The following SLC25A12 variants were observed in gnomAD, a reference collection of about 807,000 sequenced individuals.
The protein encoded by SLC25A12 is solute carrier family 25 member 12.
Under a neutral mutation model 83.3 loss-of-function variants are expected in SLC25A12, and 32 were observed. That is an observed-to-expected ratio of 0.38 (90% CI 0.29 to 0.52). SLC25A12 has a LOEUF of 0.52. SLC25A12 is among the 20% of genes least tolerant of loss of function. The pLI, the probability that SLC25A12 is intolerant of heterozygous loss-of-function variation, is 0.84. For missense variants in SLC25A12, 611 were observed against 835.6 expected (o/e 0.73, Z 3.31); for synonymous variants, 267 against 291.1 (o/e 0.92, Z 0.84).
At chr2:171,886,087 T>C (rs1186937522) in intron 2 of SLC25A12, among the ~76,000 whole-genome samples, 1 of 152,212 alleles carries the variant, frequency 6.6e-6, no homozygotes, top group Non-Finnish European at 1.5e-5. Context: ...TATATACTTA[T>C]TTGCATCTTT....
chr2:171,837,918 C>T (rs1684591645), intron 5 of SLC25A12, among the ~76,000 whole-genome samples: 1 of 152,192 alleles, frequency 6.6e-6, no homozygotes, highest in South Asian at 2.1e-4. Flanking sequence ...GTAAGACAGT[C>T]CAGAATATCT....
chr2:171,828,751 T>C (rs1486193099), intron 8 of SLC25A12, among the ~76,000 whole-genome samples: 1 of 152,262 alleles, frequency 6.6e-6, no homozygotes, highest in Non-Finnish European at 1.5e-5. Context: ...TTAAAGTTCA[T>C]GGCTATCACT....
At position 171,787,858 on chromosome 2, in the gene SLC25A12, C is replaced by G; in HGVS notation, c.1675G>C (p.Gly559Arg). Residue 559 changes from glycine (G) to arginine (R), a missense_variant, in exon 16 of 18, where the codon GGT becomes CGT. By Grantham distance (125) the Gly-to-Arg change is moderately radical (BLOSUM62 -2). Around this residue, in one of 3 missense-constraint regions of SLC25A12, gnomAD observed 540 missense variants for 777.5 expected, o/e 0.69. Coordinates refer to ENST00000422440, the MANE Select transcript of SLC25A12 (RefSeq NM_003705.5). Reference protein sequence around the residue: ...AARAGQTTYSGVIDCFRKILR... With the variant: ...AARAGQTTYSRVIDCFRKILR... ...ATCTTCCTGAAACAGTCGATGACAC[C>G]ACTGTATGTCGTCTGGCCAGCGCGG... 6.2e-7 allele frequency: 1 copy of G among 1,614,196 alleles called. No individual in the cohort carries two copies. The highest frequency in any genetic ancestry group is 8.5e-7 in the Non-Finnish European group (1 of 1,180,008).
intron 2 of SLC25A12, among the ~76,000 whole-genome samples, chr2:171,887,431 C>T (rs1685843278): frequency 6.6e-6 from 1 of 152,272 alleles, no homozygotes; most frequent in Non-Finnish European, 1.5e-5. Flanking sequence ...ATTGCCTTTA[C>T]TATACAACAC....
At chr2:171,801,746 A>G (rs1180142778) in intron 13 of SLC25A12, among the ~76,000 whole-genome samples, 1 of 152,180 alleles carries the variant, frequency 6.6e-6, no homozygotes, top group Non-Finnish European at 1.5e-5. Flanking sequence ...TTGCCCAATT[A>G]TAGGCTAACA....
At chr2:171,787,979 A>T in intron 15 of SLC25A12, 32 bp from the exon 16 acceptor site, 1 of 1,610,600 alleles carries the variant, frequency 6.2e-7, no homozygotes, top group East Asian at 2.2e-5. Flanking sequence ...TAATTTATCT[A>T]GAGTACCTTA....
chr2:171,791,545 G>C lies in SLC25A12; in HGVS notation c.1491C>G (p.Ile497Met). ...TGCAATGAGCATAAACAGGAAAATA[G>C]ATTGCAGAGAAGGGAATGTCTCGGA... ...CFLRDIPFSA[I>M]YFPVYAHCKL... The change falls in exon 15 of 18, where the codon ATC becomes ATG. Residue 497 changes from isoleucine (I) to methionine (M), a missense_variant. By Grantham distance (10) the Ile-to-Met change is conservative. Coordinates refer to ENST00000422440, the MANE Select transcript of SLC25A12 (RefSeq NM_003705.5). The C allele has an allele frequency of 6.2e-7, 1 of 1,613,644 alleles. No homozygotes were observed. Among genetic ancestry groups the C allele is most frequent in the Non-Finnish European group, 8.5e-7 (1 of 1,179,532 alleles).
intron 15 of SLC25A12, among the ~76,000 whole-genome samples, chr2:171,789,418 C>T (rs1308565920): frequency 1.1e-4 from 17 of 151,962 alleles, no homozygotes; most frequent in Non-Finnish European, 1.6e-4. Context: ...TTAGTAGAGA[C>T]GGGGTTTCAC....
intron 4 of SLC25A12, among the ~76,000 whole-genome samples, chr2:171,852,231 G>A (rs181438433): frequency 6.6e-6 from 1 of 152,178 alleles, no homozygotes; most frequent in East Asian, 1.9e-4. Flanking sequence ...CAGAGCAGAG[G>A]TATCTTTAAC....
At chr2:171,873,233 G>A (rs1030296057) in intron 2 of SLC25A12, among the ~76,000 whole-genome samples, 1 of 152,146 alleles carries the variant, frequency 6.6e-6, no homozygotes, top group Non-Finnish European at 1.5e-5. Flanking sequence ...CAGATCACGA[G>A]GTCAGGAGAT....
At position 171,788,062 on chromosome 2, in the gene SLC25A12, CTT is replaced by C. The variant is rs1222734951; in HGVS notation, c.1586-117_1586-116del. ...AACCACTTGAGCGGAACTCAAAACT[CTT>C]TACATAGATGTCTGGCCATTAATGG... On this transcript the variant is annotated intron_variant, in intron 15 of 17. Transcript: ENST00000422440. 3.9e-6 allele frequency: 4 copies of C among 1,013,252 alleles called. No individual in the cohort carries two copies. In the Admixed American group the frequency reaches 6.0e-5, roughly 15 times the overall value. The allele number at this position is 1,013,252 out of a possible 1,614,324, so 62.8% of individuals were successfully genotyped here. A position where few individuals can be genotyped will look rare whatever the true frequency, so the allele number is the denominator to read the frequency against.
At chr2:171,885,949 C>A (rs1275465753) in intron 2 of SLC25A12, among the ~76,000 whole-genome samples, 2 of 152,210 alleles carry the variant, frequency 1.3e-5, no homozygotes, top group Admixed American at 6.5e-5. Context: ...CCTCTTTATT[C>A]TTCCCTCAAG....
chr2:171,814,163 A>C (rs1267604232), intron 10 of SLC25A12, among the ~76,000 whole-genome samples: 2 of 147,796 alleles, frequency 1.4e-5, no homozygotes, highest in Non-Finnish European at 3.0e-5. Flanking sequence ...GAGTGAAAAG[A>C]AAAAAAAAAG....
chr2:171,839,037 T>C lies in SLC25A12; in HGVS notation c.466-1770A>G, dbSNP rs114663089. The stretch of plus-strand genomic sequence containing the variant: ...TATATGCGGCTCTCAGTTTATACAG[T>C]ATAATTAAAACATCAGGGTACAATA... On this transcript the variant is annotated intron_variant, in intron 5 of 17. Coordinates refer to ENST00000422440, the MANE Select transcript of SLC25A12 (RefSeq NM_003705.5). Among the ~76,000 whole-genome samples, 614 of 152,290 alleles carry C rather than the reference T, an allele frequency of 4.0e-3. 3 individuals are homozygous for C. The highest frequency in any genetic ancestry group is 0.012 in the African/African-American group (492 of 41,566).
intron 13 of SLC25A12, among the ~76,000 whole-genome samples, chr2:171,801,253 G>C (rs749309626): frequency 1.3e-5 from 2 of 152,084 alleles, no homozygotes; most frequent in Non-Finnish European, 2.9e-5. Context: ...TAGAATAAAA[G>C]GACTTGGTCT....
At chr2:171,859,184 A>T (rs973002949) in intron 3 of SLC25A12, among the ~76,000 whole-genome samples, 1 of 152,208 alleles carries the variant, frequency 6.6e-6, no homozygotes, top group African/African-American at 2.4e-5. Flanking sequence ...CCACTATTAT[A>T]AGAAGCTATT....
chr2:171,844,651 G>A, intron 4 of SLC25A12, 143 bp from the exon 5 acceptor site: 1 of 629,872 alleles, frequency 1.6e-6, no homozygotes, highest in Non-Finnish European at 2.8e-6. Flanking sequence ...ATTTTTTTGT[G>A]TGCCCAGAAA....
At chr2:171,817,600 CA>C (rs71013076) in intron 9 of SLC25A12, among the ~76,000 whole-genome samples, 4,339 of 63,834 alleles carry the variant, frequency 0.068, 58 homozygotes, top group Admixed American at 0.13. Flanking sequence ...GACTCTGCCT[CA>C]AAAAAAAAAA....
At chr2:171,860,812 T>G (rs1053367880) in intron 3 of SLC25A12, among the ~76,000 whole-genome samples, 1 of 152,144 alleles carries the variant, frequency 6.6e-6, no homozygotes, top group Non-Finnish European at 1.5e-5. Context: ...CCAGGTACAG[T>G]GGCTCACGCC....
Sources: allele counts gnomAD v4.1 joint callset (sites outside exome capture counted in the v4.1 genomes callset), GRCh38; gene constraint gnomAD v4.1.1; regional missense constraint gnomAD v4.1.1; transcripts MANE v1.5; gene names NCBI Gene and HGNC (gene_info 2026-07-23, HGNC 2026-07-21).